The following ADAMTS20 variants were observed in gnomAD, a reference collection of about 807,000 sequenced individuals.
ADAMTS20 encodes the protein A disintegrin and metalloproteinase with thrombospondin motifs 20.
Under a neutral mutation model 260.1 loss-of-function variants are expected in ADAMTS20, and 225 were observed. That is an observed-to-expected ratio of 0.87 (90% CI 0.78 to 0.97). The LOEUF is 0.97. ADAMTS20 is among the 50% of genes least tolerant of loss of function. The pLI is 0.00. For synonymous variants in ADAMTS20, 802 were observed against 769.5 expected, an observed-to-expected ratio of 1.04 and a Z score of -0.70; for missense variants, 2,400 against 2,337.7, an observed-to-expected ratio of 1.03 and a Z score of -0.55.
intron 7 of ADAMTS20, among the ~76,000 whole-genome samples, chr12:43,476,928 T>C (rs917902710): frequency 1.2e-4 from 18 of 147,676 alleles, no homozygotes; most frequent in African/African-American, 4.5e-4. Flanking sequence ...CACACCAGCA[T>C]GGCACATGTA....
Position 43,405,354 on chromosome 12 carries a change from G to A in ADAMTS20, c.4285-6121C>T, listed in dbSNP as rs1285739038. 4.1e-5 allele frequency among the ~76,000 whole-genome samples: 6 copies of A among 147,332 alleles called. No homozygotes were observed. The East Asian group carries it at 9.8e-4, about 24-fold the overall frequency. Reference sequence around the variant, plus strand: ...GACTCTTGGAGCCCAGGGGACGGAGGTTGCAGTGAGCCATGATCACCCCAC... The same window carrying A: ...GACTCTTGGAGCCCAGGGGACGGAGATTGCAGTGAGCCATGATCACCCCAC... On this transcript the variant is annotated intron_variant, in intron 28 of 38. Transcript: ENST00000389420.
intron 8 of ADAMTS20, among the ~76,000 whole-genome samples, chr12:43,467,263 C>T (rs1222483170): frequency 6.6e-6 from 1 of 151,908 alleles, no homozygotes; most frequent in Non-Finnish European, 1.5e-5. Flanking sequence ...TATGAAAGAC[C>T]CTAAATACTA....
intron 3 of ADAMTS20, among the ~76,000 whole-genome samples, chr12:43,511,602 A>G (rs760312979): frequency 4.5e-4 from 68 of 152,250 alleles, no homozygotes; most frequent in Non-Finnish European, 6.5e-4. Flanking sequence ...GAGCAAGACA[A>G]AAGAGTTTAT....
At chr12:43,427,561 C>A in intron 26 of ADAMTS20, 92 bp from the exon 27 acceptor site, 3 of 1,211,938 alleles carry the variant, frequency 2.5e-6, no homozygotes, top group Non-Finnish European at 3.3e-6. Context: ...TTGACTCAAT[C>A]AAAATCAAAC....
intron 37 of ADAMTS20, among the ~76,000 whole-genome samples, chr12:43,359,133 C>T (rs971242653): frequency 1.3e-5 from 2 of 152,176 alleles, no homozygotes; most frequent in African/African-American, 2.4e-5. Context: ...TCTTCTTCTA[C>T]TCTCCTGACA....
intron 31 of ADAMTS20, 117 bp from the exon 32 acceptor site, chr12:43,377,679 T>G: frequency 1.2e-6 from 1 of 815,746 alleles, no homozygotes; most frequent in East Asian, 2.8e-5. Flanking sequence ...CCTATTTAAT[T>G]AGCTTCATTT....
intron 37 of ADAMTS20, among the ~76,000 whole-genome samples, chr12:43,356,870 A>G (rs1939757755): frequency 6.6e-6 from 1 of 152,192 alleles, no homozygotes; most frequent in Non-Finnish European, 1.5e-5. Flanking sequence ...GCTAACTTCT[A>G]TGCTGTTTCA....
intron 37 of ADAMTS20, among the ~76,000 whole-genome samples, chr12:43,368,247 C>T (rs536152780): frequency 3.3e-5 from 5 of 152,100 alleles, no homozygotes; most frequent in African/African-American, 1.2e-4. Context: ...TGGAACCTTA[C>T]GATTATATTA....
At chr12:43,490,144 G>A (rs923127538) in intron 7 of ADAMTS20, among the ~76,000 whole-genome samples, 1 of 151,884 alleles carries the variant, frequency 6.6e-6, no homozygotes, top group African/African-American at 2.4e-5. Flanking sequence ...CTTTAAATTG[G>A]CATATAGGTG....
At chr12:43,541,522 A>T (rs1943376484) in intron 2 of ADAMTS20, among the ~76,000 whole-genome samples, 1 of 152,236 alleles carries the variant, frequency 6.6e-6, no homozygotes, top group East Asian at 1.9e-4. Flanking sequence ...CTGGCAGAGT[A>T]TAAATGTTAT....
At chr12:43,509,596 A>G (rs1298943975) in intron 3 of ADAMTS20, among the ~76,000 whole-genome samples, 4 of 152,200 alleles carry the variant, frequency 2.6e-5, no homozygotes, top group Non-Finnish European at 1.5e-5. Flanking sequence ...TATATGTCAT[A>G]TATGGGTATA....
At position 43,492,597 on chromosome 12, in the gene ADAMTS20, G is replaced by A; in HGVS notation, c.984C>T (p.Thr328=). Reference sequence around the variant, plus strand: ...GCCATGAACAAAAGTTCTTTAATGTGGTAGCACCATCAAAATTAATGACTG... The same window carrying A: ...GCCATGAACAAAAGTTCTTTAATGTAGTAGCACCATCAAAATTAATGACTG... ...EGPVINFDGA[T]TLKNFCSWQQ... Residue 328 remains threonine, a synonymous_variant, in exon 6 of 39, where the codon ACC becomes ACT. Transcript: ENST00000389420. 1 of 1,613,554 alleles carries A rather than the reference G, an allele frequency of 6.2e-7. No individual in the cohort carries two copies. The highest frequency in any genetic ancestry group is 8.5e-7 in the Non-Finnish European group (1 of 1,179,772).
At chr12:43,357,012 C>T (rs2137178547) in intron 37 of ADAMTS20, among the ~76,000 whole-genome samples, 1 of 152,290 alleles carries the variant, frequency 6.6e-6, no homozygotes, top group South Asian at 2.1e-4. Context: ...CCATTTTAAA[C>T]ACCAGAAACA....
intron 11 of ADAMTS20, among the ~76,000 whole-genome samples, chr12:43,462,571 A>G (rs917609284): frequency 2.6e-5 from 4 of 152,202 alleles, no homozygotes; most frequent in African/African-American, 9.6e-5. Context: ...AATTTGGAGA[A>G]TTTGCCAAAA....
rs1035635564 is a variant in ADAMTS20, at chr12:43,447,147, G to GC, written c.2080-436dup. The stretch of plus-strand genomic sequence containing the variant: ...CTCCCTAACTCCTTCTATGAGGTCA[G>GC]CATCATCCTGATACCAAAACCTGGC... On this transcript the variant is annotated intron_variant, in intron 14 of 38. Coordinates refer to ENST00000389420, the MANE Select transcript of ADAMTS20 (RefSeq NM_025003.5). Among the ~76,000 whole-genome samples, 74 of 151,616 alleles carry GC rather than the reference G, an allele frequency of 4.9e-4. 1 individual carries two copies. The highest frequency in any genetic ancestry group is 1.7e-3 in the African/African-American group (69 of 41,326).
chr12:43,394,396 A>G (rs1431917109), intron 29 of ADAMTS20, among the ~76,000 whole-genome samples: 1 of 152,138 alleles, frequency 6.6e-6, no homozygotes, highest in Non-Finnish European at 1.5e-5. Flanking sequence ...AGGATATATT[A>G]GTGCCCAACA....
intron 3 of ADAMTS20, among the ~76,000 whole-genome samples, chr12:43,522,218 G>T (rs1943082018): frequency 6.6e-6 from 1 of 152,032 alleles, no homozygotes; most frequent in Admixed American, 6.6e-5. Context: ...GCAGGAAGGA[G>T]AAGTGCAAAC....
chr12:43,517,995 T>C (rs1420214757), intron 3 of ADAMTS20, among the ~76,000 whole-genome samples: 1 of 152,150 alleles, frequency 6.6e-6, no homozygotes, highest in African/African-American at 2.4e-5. Context: ...TCACTGTTTT[T>C]GGGTTTTCAT....
intron 7 of ADAMTS20, among the ~76,000 whole-genome samples, chr12:43,471,218 G>A (rs1942252420): frequency 6.6e-6 from 1 of 152,284 alleles, no homozygotes; most frequent in East Asian, 1.9e-4. Context: ...TCAAAGAAAG[G>A]GGTGACGGAC....
Sources: gnomAD v4.1 joint callset for allele counts (sites outside exome capture counted in the v4.1 genomes callset) on GRCh38, gnomAD v4.1.1 for gene constraint, MANE v1.5 for transcripts, NCBI Gene and HGNC (gene_info 2026-07-23, HGNC 2026-07-21) for gene names.